The following KCNG2 variants were observed in gnomAD, a reference collection of about 807,000 sequenced individuals.
KCNG2 encodes the protein potassium voltage-gated channel modifier subfamily G member 2.
A neutral mutation model predicts 12.3 loss-of-function variants in KCNG2; 7 were observed. That is an observed-to-expected ratio of 0.57 (90% CI 0.32 to 1.07). The LOEUF is 1.07. Ranked by LOEUF, KCNG2 falls within the 50% of genes least tolerant of loss-of-function variation. KCNG2 has a pLI of 0.04. For missense variants in KCNG2, 703 were observed against 726.0 expected (o/e 0.97, Z 0.36); for synonymous variants, 414 against 351.4 (o/e 1.18, Z -1.99).
intron 2 of KCNG2, 44 bp from the exon 3 acceptor site, chr18:79,863,584 C>T: frequency 2.6e-6 from 3 of 1,147,972 alleles, no homozygotes; most frequent in South Asian, 4.3e-5. Flanking sequence ...CGCGCTCCCC[C>T]AGCTCAGCCC....
chr18:79,858,475 G>A (rs1456641797), intron 2 of KCNG2, among the ~76,000 whole-genome samples: 1 of 152,204 alleles, frequency 6.6e-6, no homozygotes, highest in African/African-American at 2.4e-5. Flanking sequence ...ATCAGTTGAT[G>A]GAATTTGGGT....
chr18:79,860,658 T>C (rs1333317229), intron 2 of KCNG2, among the ~76,000 whole-genome samples: 3 of 61,048 alleles, frequency 4.9e-5, no homozygotes, highest in Non-Finnish European at 8.1e-5. Flanking sequence ...CCCATTCTCA[T>C]AGTGATGTGT....
At chr18:79,814,339 T>C (rs1034169523) in intron 1 of KCNG2, among the ~76,000 whole-genome samples, 1 of 152,346 alleles carries the variant, frequency 6.6e-6, no homozygotes, top group Non-Finnish European at 1.5e-5. Context: ...AAAACTGGAA[T>C]TGTCCCAGAG....
In KCNG2 at chr18:79,899,703, C is replaced by G; in HGVS notation, c.1288C>G (p.Gln430Glu). The G allele has an allele frequency of 6.2e-7, 1 of 1,606,840 alleles. No individual in the cohort carries two copies. The highest frequency in any genetic ancestry group is 8.5e-7 in the Non-Finnish European group (1 of 1,178,044). Reference protein sequence around the residue: ...QRAASPEPALQEDSTHSATAT... With the variant: ...QRAASPEPALEEDSTHSATAT... Reference sequence around the variant, plus strand: ...CGCGGCCAGCCCCGAGCCGGCCCTGCAGGAGGACAGCACGCACTCGGCCAC... The same window carrying G: ...CGCGGCCAGCCCCGAGCCGGCCCTGGAGGAGGACAGCACGCACTCGGCCAC... Residue 430 changes from glutamine to glutamate, a missense_variant, in exon 4 of 4, where the codon CAG (glutamine) becomes GAG (glutamate). Transcript: ENST00000316249.
intron 3 of KCNG2, among the ~76,000 whole-genome samples, chr18:79,869,223 G>A (rs1374785565): frequency 6.6e-6 from 1 of 152,164 alleles, no homozygotes; most frequent in Non-Finnish European, 1.5e-5. Context: ...CCCGCGCTGA[G>A]TCTCCTGCCC....
chr18:79,831,553 TGCCC>T, intron 1 of KCNG2, among the ~76,000 whole-genome samples: 1 of 133,874 alleles, frequency 7.5e-6, no homozygotes, highest in African/African-American at 2.7e-5. Context: ...GTCAGGAGCG[TGCCC>T]TGCGTACAGA....
At chr18:79,836,696 G>GGA (rs1301017362) in intron 1 of KCNG2, among the ~76,000 whole-genome samples, 4 of 152,144 alleles carry the variant, frequency 2.6e-5, no homozygotes, top group Non-Finnish European at 5.9e-5. Flanking sequence ...CATGGCTGCA[G>GGA]GAGAGAGAGA....
intron 1 of KCNG2, among the ~76,000 whole-genome samples, chr18:79,849,529 G>A (rs1280541673): frequency 2.0e-5 from 3 of 152,238 alleles, no homozygotes; most frequent in Non-Finnish European, 2.9e-5. Context: ...TTCCCTCCCC[G>A]CCTTGCTCTG....
At chr18:79,799,366 G>A (rs1464145476) in intron 1 of KCNG2, among the ~76,000 whole-genome samples, 1 of 152,130 alleles carries the variant, frequency 6.6e-6, no homozygotes, top group African/African-American at 2.4e-5. Flanking sequence ...CTGTTCTCTG[G>A]GATGGTGCAG....
intron 1 of KCNG2, among the ~76,000 whole-genome samples, chr18:79,811,820 A>G (rs1469110413): frequency 6.6e-6 from 1 of 152,196 alleles, no homozygotes; most frequent in Non-Finnish European, 1.5e-5. Context: ...ATATATAACA[A>G]CAGTTTTTTA....
chr18:79,828,852 GTC>G (rs1414859172), intron 1 of KCNG2, among the ~76,000 whole-genome samples: 2 of 137,732 alleles, frequency 1.5e-5, no homozygotes, highest in African/African-American at 2.9e-5. Context: ...GTGTGCATGT[GTC>G]TGTGTGTGGG....
At chr18:79,854,518 G>T (rs976999125) in intron 1 of KCNG2, among the ~76,000 whole-genome samples, 1 of 141,190 alleles carries the variant, frequency 7.1e-6, no homozygotes, top group Non-Finnish European at 1.5e-5. Flanking sequence ...TTTATACATT[G>T]CCTTTCATTG....
In KCNG2 at chr18:79,829,242, ATG is replaced by A. The variant is rs760753495; in HGVS notation, c.-114-27133_-114-27132del. ...TGTGTGTGTAACGTGTCTGTGTGTA[ATG>A]TGTCTGCGTGTGTGTCTGTGTGTGC... On this transcript the variant is annotated intron_variant, in intron 1 of 3. Transcript: ENST00000316249. 4.7e-5 allele frequency among the ~76,000 whole-genome samples: 6 copies of A among 127,844 alleles called. No homozygotes were observed. The East Asian group carries it at 1.2e-3, about 26-fold the overall frequency. 83.9% of individuals were successfully genotyped at this position (127,844 alleles called of 152,430 possible).
intron 2 of KCNG2, among the ~76,000 whole-genome samples, chr18:79,861,686 T>C (rs986286130): frequency 6.6e-6 from 1 of 152,054 alleles, no homozygotes; most frequent in Non-Finnish European, 1.5e-5. Context: ...TTCATCGAAT[T>C]TGGAGGGTTT....
intron 1 of KCNG2, among the ~76,000 whole-genome samples, chr18:79,829,988 G>T (rs972546691): frequency 6.6e-6 from 1 of 152,252 alleles, no homozygotes; most frequent in Non-Finnish European, 1.5e-5. Flanking sequence ...TTGTGGAGGA[G>T]AGTGGGGATG....
intron 1 of KCNG2, among the ~76,000 whole-genome samples, chr18:79,832,762 T>C (rs1978303268): frequency 6.6e-6 from 1 of 152,236 alleles, no homozygotes; most frequent in South Asian, 2.1e-4. Flanking sequence ...AAGACTCCTC[T>C]TTGCACAGTG....
At chr18:79,807,503 G>A (rs186449519) in intron 1 of KCNG2, among the ~76,000 whole-genome samples, 1 of 152,166 alleles carries the variant, frequency 6.6e-6, no homozygotes, top group Non-Finnish European at 1.5e-5. Flanking sequence ...TTTTTAGAAC[G>A]CCTCTGCGCT....
intron 3 of KCNG2, among the ~76,000 whole-genome samples, chr18:79,878,215 G>T (rs1980151706): frequency 6.6e-6 from 1 of 152,260 alleles, no homozygotes; most frequent in Non-Finnish European, 1.5e-5. Flanking sequence ...AGACTTCAGT[G>T]TAGATCCTGC....
intron 1 of KCNG2, among the ~76,000 whole-genome samples, chr18:79,855,519 G>A (rs750710458): frequency 2.2e-4 from 34 of 152,048 alleles, no homozygotes; most frequent in Admixed American, 9.2e-4. Context: ...GACCACCTTT[G>A]TGCGTGATCA....
Sources: allele counts gnomAD v4.1 joint callset (sites outside exome capture counted in the v4.1 genomes callset), GRCh38; gene constraint gnomAD v4.1.1; transcripts MANE v1.5; gene names NCBI Gene and HGNC (gene_info 2026-07-23, HGNC 2026-07-21).